PRKCE: variants seen among roughly 807,000 people sequenced by gnomAD.
The protein encoded by PRKCE is protein kinase C epsilon.
PRKCE carries 16 observed loss-of-function variants against 85.4 expected under a neutral mutation model. The observed-to-expected ratio is 0.19, with a 90% CI of 0.13 to 0.28. The LOEUF (loss-of-function observed/expected upper bound fraction) is 0.28. Ranked by LOEUF, PRKCE falls within the 10% of genes least tolerant of loss-of-function variation. The probability of loss-of-function intolerance (pLI) is 1.00; values close to 1 mark genes in which losing one functional copy is unlikely to be tolerated. For synonymous variants in PRKCE, 388 were observed against 371.5 expected (o/e 1.04, Z -0.51); for missense variants, 573 against 975.2 (o/e 0.59, Z 5.49).
chr2:46,031,657 A>T (rs1707529250), intron 10 of PRKCE, among the ~76,000 whole-genome samples: 1 of 151,524 alleles, frequency 6.6e-6, no homozygotes, highest in South Asian at 2.1e-4. Flanking sequence ...ACTTACCCAG[A>T]GTAAAATGCT....
intron 6 of PRKCE, among the ~76,000 whole-genome samples, chr2:45,990,354 C>G (rs879355312): frequency 6.6e-6 from 1 of 152,206 alleles, no homozygotes; most frequent in Admixed American, 6.5e-5. Context: ...GACATCTTAT[C>G]GCTTTTGATG....
At chr2:45,903,881 G>GTTTTTTTTTTTTTTTTTTTTT (rs34124689) in intron 2 of PRKCE, among the ~76,000 whole-genome samples, 6 of 117,138 alleles carry the variant, frequency 5.1e-5, no homozygotes, top group African/African-American at 2.2e-4. Context: ...TAGCCTGGCA[G>GTTTTTTTTTTTTTTTTTTTTT]TTTTTTTTTG....
At chr2:46,147,662 C>A (rs961914167) in intron 12 of PRKCE, among the ~76,000 whole-genome samples, 6 of 152,186 alleles carry the variant, frequency 3.9e-5, no homozygotes, top group Non-Finnish European at 8.8e-5. Flanking sequence ...GGTATTGCTG[C>A]CTTCATCGAG....
chr2:46,028,870 C>T (rs188692379), intron 10 of PRKCE, among the ~76,000 whole-genome samples: 82 of 152,232 alleles, frequency 5.4e-4, no homozygotes, highest in African/African-American at 1.8e-3. Flanking sequence ...TCCATGTATG[C>T]TCATCATTTA....
At position 46,187,841 on chromosome 2, in the gene PRKCE, A is replaced by AT. The variant is rs1031230282; in HGVS notation, c.*2967dup. 2 of 149,470 alleles carry AT rather than the reference A, an allele frequency of 1.3e-5. No individual in the cohort carries two copies. The highest frequency in any genetic ancestry group is 5.0e-5 in the African/African-American group (2 of 40,236). 9.3% of individuals were successfully genotyped at this position (149,470 alleles called of 1,614,324 possible). ...TTGTATTGTGATGCTTTATTTGTAC[A>AT]TTTTTTTCCTTTCTGGATGTAATTT... On this transcript the variant is annotated 3_prime_UTR_variant, in exon 15 of 15. Coordinates refer to ENST00000306156, the MANE Select transcript of PRKCE (RefSeq NM_005400.3).
At position 46,139,142 on chromosome 2, in the gene PRKCE, C is replaced by A. The variant is rs1675268519; in HGVS notation, c.1593-5951C>A. On this transcript the variant is annotated intron_variant, in intron 11 of 14. Coordinates refer to ENST00000306156, the MANE Select transcript of PRKCE (RefSeq NM_005400.3). The surrounding 1 kb of genome is among the most constrained non-coding windows in gnomAD (Gnocchi z 5.2). Reference sequence around the variant, plus strand: ...AATCAGGGACCACCAAAGATGCTATCACCATTATTACTTAGCATTGTTCTT... The same window carrying A: ...AATCAGGGACCACCAAAGATGCTATAACCATTATTACTTAGCATTGTTCTT... 6.6e-6 allele frequency among the ~76,000 whole-genome samples: 1 copy of A among 152,180 alleles called. No homozygotes were observed. Among genetic ancestry groups the A allele is most frequent in the Admixed American group, 6.5e-5 (1 of 15,282 alleles).
intron 6 of PRKCE, among the ~76,000 whole-genome samples, chr2:45,993,684 C>T (rs1001833435): frequency 1.3e-5 from 2 of 152,072 alleles, no homozygotes; most frequent in African/African-American, 2.4e-5. Flanking sequence ...CGTCACTTCA[C>T]AGAGAGGCAG....
At chr2:45,990,590 G>A (rs1285372224) in intron 6 of PRKCE, among the ~76,000 whole-genome samples, 8 of 151,728 alleles carry the variant, frequency 5.3e-5, no homozygotes, top group Admixed American at 2.0e-4. Context: ...CTTGTCTCTC[G>A]TCTCTTACTT....
chr2:46,152,269 C>T (rs998334552), intron 13 of PRKCE, among the ~76,000 whole-genome samples: 2 of 151,892 alleles, frequency 1.3e-5, no homozygotes, highest in Non-Finnish European at 1.5e-5. Context: ...GCAATCTCCT[C>T]CTCCCAGGTT....
At chr2:45,868,319 C>CAAAA (rs371501864) in intron 2 of PRKCE, among the ~76,000 whole-genome samples, 1,834 of 35,640 alleles carry the variant, frequency 0.051, 86 homozygotes, top group East Asian at 0.068. Context: ...CTTTCCTGTC[C>CAAAA]AAAAAAAAAA....
intron 10 of PRKCE, among the ~76,000 whole-genome samples, chr2:46,051,756 A>T (rs1708872916): frequency 6.6e-6 from 1 of 152,242 alleles, no homozygotes; most frequent in African/African-American, 2.4e-5. Context: ...CACCGCTATA[A>T]AGAAGTACCT....
At chr2:45,699,982 G>A (rs929945309) in intron 1 of PRKCE, among the ~76,000 whole-genome samples, 28 of 152,226 alleles carry the variant, frequency 1.8e-4, no homozygotes, top group Middle Eastern at 6.8e-3. Context: ...TGGTTTTCCT[G>A]TGATTTCTAG....
At chr2:46,054,259 T>A (rs1279897277) in intron 10 of PRKCE, among the ~76,000 whole-genome samples, 1 of 152,222 alleles carries the variant, frequency 6.6e-6, no homozygotes, top group East Asian at 1.9e-4. Context: ...TTGCAGCTAG[T>A]GAGATGGGCA....
intron 2 of PRKCE, among the ~76,000 whole-genome samples, chr2:45,912,612 A>G (rs1399978134): frequency 6.6e-6 from 1 of 152,172 alleles, no homozygotes; most frequent in African/African-American, 2.4e-5. Flanking sequence ...GAAGGAGCCA[A>G]CCTGGGGACC....
intron 1 of PRKCE, among the ~76,000 whole-genome samples, chr2:45,803,918 A>C (rs1688055570): frequency 6.6e-6 from 1 of 152,212 alleles, no homozygotes; most frequent in African/African-American, 2.4e-5. Context: ...GATGTTGTTT[A>C]ATGGGCAAAG....
chr2:46,039,327 A>AT (rs1474692065), intron 10 of PRKCE, among the ~76,000 whole-genome samples: 1 of 152,168 alleles, frequency 6.6e-6, no homozygotes, highest in Admixed American at 6.5e-5. Context: ...CAGTGAGAGC[A>AT]TTCGTTCCAG....
intron 6 of PRKCE, among the ~76,000 whole-genome samples, chr2:45,987,661 A>G (rs979632335): frequency 6.6e-6 from 1 of 151,642 alleles, no homozygotes; most frequent in Admixed American, 6.6e-5. Flanking sequence ...ACAGCACATC[A>G]TTATCACTCA....
At chr2:45,943,019 T>A (rs1699995579) in intron 2 of PRKCE, among the ~76,000 whole-genome samples, 1 of 152,234 alleles carries the variant, frequency 6.6e-6, no homozygotes, top group African/African-American at 2.4e-5. Flanking sequence ...CATGTGATCA[T>A]AATTCCCATT....
chr2:46,133,689 G>C (rs1263399988), intron 11 of PRKCE, among the ~76,000 whole-genome samples: 1 of 151,968 alleles, frequency 6.6e-6, no homozygotes, highest in South Asian at 2.1e-4. Flanking sequence ...TCATCATTTC[G>C]TTCTGACATT....
Sources: gnomAD v4.1 joint callset for allele counts (sites outside exome capture counted in the v4.1 genomes callset) on GRCh38, gnomAD v4.1.1 for gene constraint, Gnocchi (gnomAD v3.1) non-coding constraint, MANE v1.5 for transcripts, NCBI Gene and HGNC (gene_info 2026-07-23, HGNC 2026-07-21) for gene names.